Variants in GSK3B observed in about 807,000 individuals in gnomAD.
GSK3B encodes the protein glycogen synthase kinase 3 beta.
A neutral mutation model predicts 56.4 loss-of-function variants in GSK3B; 15 were observed. The observed-to-expected ratio is 0.27, with a 90% CI of 0.18 to 0.41. GSK3B has a LOEUF of 0.41. Among genes scored for constraint, GSK3B ranks in the 10% least tolerant of loss-of-function variants. The pLI, the probability that GSK3B is intolerant of heterozygous loss-of-function variation, is 1.00. For missense variants in GSK3B, 300 were observed against 513.4 expected (o/e 0.58, Z 4.02); for synonymous variants, 181 against 188.9 (o/e 0.96, Z 0.34).
At chr3:119,964,277 A>G (rs1030459445) in intron 2 of GSK3B, among the ~76,000 whole-genome samples, 17 of 152,230 alleles carry the variant, frequency 1.1e-4, no homozygotes, top group Admixed American at 2.6e-4. Flanking sequence ...TTCTGGGTAA[A>G]CATCCAAAAG....
intron 2 of GSK3B, among the ~76,000 whole-genome samples, chr3:119,952,288 G>C (rs1283572915): frequency 1.3e-5 from 2 of 151,920 alleles, no homozygotes; most frequent in Non-Finnish European, 2.9e-5. Context: ...AGGAGTTCAA[G>C]ACCAGCCTGG....
chr3:119,893,161 C>T (rs1435704711), intron 7 of GSK3B, among the ~76,000 whole-genome samples: 1 of 152,030 alleles, frequency 6.6e-6, no homozygotes, highest in Non-Finnish European at 1.5e-5. Flanking sequence ...GTGTGCTCCA[C>T]CACACCCAGC....
At chr3:120,090,830 C>A (rs1291148569) in intron 1 of GSK3B, among the ~76,000 whole-genome samples, 1 of 152,160 alleles carries the variant, frequency 6.6e-6, no homozygotes, top group South Asian at 2.1e-4. Context: ...AACCCCTCTG[C>A]CCTCCATCAG....
intron 7 of GSK3B, among the ~76,000 whole-genome samples, chr3:119,876,859 C>T (rs2056320993): frequency 6.6e-6 from 1 of 152,136 alleles, no homozygotes; most frequent in South Asian, 2.1e-4. Context: ...CTTGTCTTGA[C>T]TTTCTGCCTT....
intron 2 of GSK3B, among the ~76,000 whole-genome samples, chr3:119,985,418 G>A (rs905320220): frequency 6.6e-6 from 1 of 152,160 alleles, no homozygotes; most frequent in Admixed American, 6.5e-5. Flanking sequence ...CAGATGACAT[G>A]ATTGTATATT....
At chr3:119,892,180 A>G (rs1461940315) in intron 7 of GSK3B, among the ~76,000 whole-genome samples, 1 of 152,148 alleles carries the variant, frequency 6.6e-6, no homozygotes, top group African/African-American at 2.4e-5. Context: ...AGAGCGAAGT[A>G]AAAGAAAACC....
chr3:119,910,446 G>A (rs1467825531), intron 6 of GSK3B, among the ~76,000 whole-genome samples: 2 of 152,062 alleles, frequency 1.3e-5, no homozygotes, highest in African/African-American at 2.4e-5. Context: ...AAACATAAAT[G>A]TAATACATTA....
At chr3:119,963,625 C>CAAAAAAAAAAAAAAAAAAAAGAAA in intron 2 of GSK3B, among the ~76,000 whole-genome samples, 1 of 79,190 alleles carries the variant, frequency 1.3e-5, no homozygotes, top group South Asian at 4.6e-4. Context: ...TTCTTCCCCA[C>CAAAAAAAAAAAAAAAAAAAAGAAA]AAAAAAAAAA....
chr3:119,876,036 TAAAGAA>T (rs1054751224), intron 8 of GSK3B, among the ~76,000 whole-genome samples: 17 of 152,140 alleles, frequency 1.1e-4, no homozygotes, highest in African/African-American at 3.1e-4. Flanking sequence ...TTTAAAAGAA[TAAAGAA>T]AATGTTTGAA....
At chr3:120,075,994 CAA>C (rs1170268976) in intron 1 of GSK3B, among the ~76,000 whole-genome samples, 1 of 151,754 alleles carries the variant, frequency 6.6e-6, no homozygotes, top group Non-Finnish European at 1.5e-5. Context: ...CAACTATAAT[CAA>C]AATAGTTTAG....
chr3:119,863,461 T>G lies in GSK3B; in HGVS notation c.1054A>C (p.Asn352His). The change falls in exon 9 of 11, where the codon AAT becomes CAT. Residue 352 changes from asparagine (N) to histidine (H), a missense_variant. Around this residue, in one of 6 missense-constraint regions of GSK3B, gnomAD observed 88 missense variants for 92.7 expected, o/e 0.95. Transcript: ENST00000264235. ...ELRDPNVKLP[N>H]GRDTPALFNF... ...AAGAGTGCAGGTGTGTCTCGCCCAT[T>G]TGGTAGTTTGACATTTGGGTCCCGT... is the stretch of plus-strand genomic sequence containing the variant. The G allele has an allele frequency of 6.2e-7, 1 of 1,614,030 alleles. No homozygotes were observed. The highest frequency in any genetic ancestry group is 8.5e-7 in the Non-Finnish European group (1 of 1,179,954).
chr3:119,876,545 A>G (rs754511299), intron 7 of GSK3B, 37 bp from the exon 8 acceptor site: 2 of 1,141,618 alleles, frequency 1.8e-6, no homozygotes, highest in African/African-American at 3.1e-5. Context: ...CTTTTCCTAT[A>G]TATTTACAAA....
chr3:120,052,546 A>G (rs2058159328), intron 1 of GSK3B, among the ~76,000 whole-genome samples: 6 of 152,192 alleles, frequency 3.9e-5, no homozygotes. Flanking sequence ...GTTATTTTTT[A>G]CCTCTCATTT....
chr3:119,959,180 C>A (rs995287529), intron 2 of GSK3B, among the ~76,000 whole-genome samples: 4 of 152,154 alleles, frequency 2.6e-5, no homozygotes, highest in African/African-American at 9.7e-5. Flanking sequence ...TTTTTAAACA[C>A]TGAAGTAGCC....
chr3:120,085,129 T>G (rs2058452925), intron 1 of GSK3B, among the ~76,000 whole-genome samples: 1 of 152,166 alleles, frequency 6.6e-6, no homozygotes, highest in South Asian at 2.1e-4. Flanking sequence ...TGTGAGTAAA[T>G]TACATTTTTT....
At chr3:119,940,768 C>T (rs1047330609) in intron 3 of GSK3B, among the ~76,000 whole-genome samples, 6 of 152,096 alleles carry the variant, frequency 3.9e-5, no homozygotes, top group Admixed American at 3.9e-4. Flanking sequence ...AAAAAATGCA[C>T]AATCTTTATT....
At chr3:119,932,670 A>G (rs1394603069) in intron 3 of GSK3B, among the ~76,000 whole-genome samples, 1 of 152,090 alleles carries the variant, frequency 6.6e-6, no homozygotes, top group Non-Finnish European at 1.5e-5. Context: ...ACTCACACAA[A>G]CCCAGTAAAA....
intron 1 of GSK3B, among the ~76,000 whole-genome samples, chr3:120,022,256 G>C (rs952124419): frequency 3.9e-5 from 6 of 152,160 alleles, no homozygotes; most frequent in African/African-American, 7.2e-5. Context: ...CAGATTATTA[G>C]CATTTTTAAA....
intron 1 of GSK3B, among the ~76,000 whole-genome samples, chr3:120,089,487 C>T (rs968700089): frequency 2.0e-5 from 3 of 152,102 alleles, no homozygotes; most frequent in Admixed American, 6.5e-5. Context: ...CAGGGGAATA[C>T]GGAAACTCTA....
Sources: allele counts gnomAD v4.1 joint callset (sites outside exome capture counted in the v4.1 genomes callset), GRCh38; gene constraint gnomAD v4.1.1; regional missense constraint gnomAD v4.1.1; transcripts MANE v1.5; gene names NCBI Gene and HGNC (gene_info 2026-07-23, HGNC 2026-07-21).